Variants in PIAS2 observed in about 807,000 individuals in gnomAD.
PIAS2 encodes the protein E3 SUMO-protein ligase PIAS2.
A neutral mutation model predicts 69.7 loss-of-function variants in PIAS2; 19 were observed. The ratio of observed to expected loss-of-function variants is 0.27; its 90% confidence interval spans 0.19 to 0.40. The LOEUF (loss-of-function observed/expected upper bound fraction) is 0.40, where lower values mean the gene tolerates loss of function less well. Among genes scored for constraint, PIAS2 ranks in the 10% least tolerant of loss-of-function variants. The pLI is 1.00. For missense variants in PIAS2, 624 were observed against 757.0 expected (o/e 0.82, Z 2.06); for synonymous variants, 261 against 263.2 (o/e 0.99, Z 0.08).
intron 9 of PIAS2, among the ~76,000 whole-genome samples, chr18:46,830,654 CA>C (rs1345020079): frequency 6.6e-6 from 1 of 151,954 alleles, no homozygotes; most frequent in Non-Finnish European, 1.5e-5. Context: ...ACAGAAAAAT[CA>C]GTTTCTAGTC....
chr18:46,818,268 C>A, intron 12 of PIAS2: 1 of 1,294,538 alleles, frequency 7.7e-7, no homozygotes, highest in Non-Finnish European at 9.8e-7. Context: ...CTTTTGAGCA[C>A]CATTCGCACC....
intron 2 of PIAS2, among the ~76,000 whole-genome samples, chr18:46,889,833 T>G (rs1481155742): frequency 6.6e-6 from 1 of 152,168 alleles, no homozygotes; most frequent in East Asian, 1.9e-4. Context: ...AAGTGTCCAA[T>G]GGATAAGCAA....
At chr18:46,900,590 T>C (rs1457474126) in intron 1 of PIAS2, among the ~76,000 whole-genome samples, 4 of 151,884 alleles carry the variant, frequency 2.6e-5, no homozygotes, top group African/African-American at 7.3e-5. Context: ...GGCAGGAGGA[T>C]ACCCTGGGCC....
chr18:46,864,210 T>C lies in PIAS2; in HGVS notation c.538A>G (p.Ile180Val), dbSNP rs146174831. ...ACTTGTTGAGGTGTCAAAGCAAAAA[T>C]AAAAAACTTCTCTTGAAATCGCTGA... ...SIQRFQEKFF[I>V]FALTPQQVRE... Residue 180 changes from isoleucine to valine, a missense_variant, in exon 3 of 14, where the codon ATT becomes GTT. Ile to Val is a conservative substitution (Grantham distance 29). This residue lies in a region of PIAS2 where 339 missense variants were observed against 408.8 expected (regional missense o/e 0.83). Coordinates refer to ENST00000585916, the MANE Select transcript of PIAS2 (RefSeq NM_004671.5). The C allele has an allele frequency of 3.1e-6, 5 of 1,594,514 alleles. No individual in the cohort carries two copies. Among genetic ancestry groups the C allele is most frequent in the South Asian group, 2.3e-5 (2 of 87,462 alleles).
rs978483375 is a variant in PIAS2 at position 46,809,228 on chromosome 18, T to C, written c.*3205A>G. 3 of 152,224 alleles carry C rather than the reference T, an allele frequency of 2.0e-5. No individual in the cohort carries two copies. Among genetic ancestry groups the C allele is most frequent in the Non-Finnish European group, 4.4e-5 (3 of 68,046 alleles). The allele number at this position is 152,224 out of a possible 1,614,324, so 9.4% of individuals were successfully genotyped here. On this transcript the variant is annotated 3_prime_UTR_variant, in exon 14 of 14. Coordinates refer to ENST00000585916, the MANE Select transcript of PIAS2 (RefSeq NM_004671.5). ...GAAACACATTACCAGATAAATGCCA[T>C]ATAACCTAAATTCACCTCAATGCTT...
intron 3 of PIAS2, among the ~76,000 whole-genome samples, chr18:46,863,598 T>A (rs1371674750): frequency 6.6e-6 from 1 of 152,216 alleles, no homozygotes; most frequent in African/African-American, 2.4e-5. Flanking sequence ...AACCTGGGAA[T>A]AAATTTTTCA....
chr18:46,854,095 C>T (rs776651473), intron 5 of PIAS2, among the ~76,000 whole-genome samples: 8 of 152,158 alleles, frequency 5.3e-5, no homozygotes, highest in South Asian at 2.1e-4. Flanking sequence ...GCTGTGTATG[C>T]GACAAATGAG....
intron 2 of PIAS2, among the ~76,000 whole-genome samples, chr18:46,887,919 T>G (rs977066944): frequency 6.6e-6 from 1 of 152,002 alleles, no homozygotes; most frequent in African/African-American, 2.4e-5. Flanking sequence ...AAGAAAGAAG[T>G]AAAATTATTC....
intron 3 of PIAS2, among the ~76,000 whole-genome samples, chr18:46,863,484 A>C (rs1173430847): frequency 1.3e-5 from 2 of 151,976 alleles, no homozygotes; most frequent in South Asian, 2.1e-4. Context: ...TTTCTTGTAG[A>C]GACAGGGTTT....
At chr18:46,912,190 G>T (rs1363841768) in intron 1 of PIAS2, among the ~76,000 whole-genome samples, 2 of 152,194 alleles carry the variant, frequency 1.3e-5, no homozygotes, top group African/African-American at 4.8e-5. Context: ...AGGAAATATA[G>T]TTGTCTCTCA....
intron 9 of PIAS2, among the ~76,000 whole-genome samples, chr18:46,832,440 C>A (rs113399746): frequency 7.4e-4 from 111 of 149,692 alleles, no homozygotes; most frequent in Middle Eastern, 3.5e-3. Flanking sequence ...AACAAACAAA[C>A]AAAAAAAAGT....
intron 1 of PIAS2, among the ~76,000 whole-genome samples, chr18:46,902,505 A>G (rs1426645653): frequency 6.6e-6 from 1 of 152,136 alleles, no homozygotes. Context: ...GGTTGCAGCG[A>G]GCCGAGATCG....
chr18:46,854,380 C>A (rs1182556180), intron 5 of PIAS2, among the ~76,000 whole-genome samples: 3 of 152,180 alleles, frequency 2.0e-5, no homozygotes, highest in African/African-American at 7.2e-5. Flanking sequence ...GACAACTGGG[C>A]CTAGTCAGGG....
intron 3 of PIAS2, among the ~76,000 whole-genome samples, chr18:46,856,908 T>G (rs781308125): frequency 3.9e-5 from 6 of 152,194 alleles, no homozygotes; most frequent in Non-Finnish European, 5.9e-5. Context: ...GACAACCACC[T>G]TAAGTTCTAC....
rs1555740565 is a variant in PIAS2, at chr18:46,844,142, G to GGA, written c.968-16_968-15insTC. On this transcript the variant is annotated splice_polypyrimidine_tract_variant and intron_variant, in intron 7 of 13. Transcript: ENST00000585916. ...TTTTTCTTTAACTTTAAAAAGAAGAGAAAAAAAAAAATTTAAAAAAATTAA... is the reference window on the plus strand; with the variant it reads ...TTTTTCTTTAACTTTAAAAAGAAGAGGAAAAAAAAAAAATTTAAAAAAATTAA... 1.7e-5 allele frequency: 17 copies of GGA among 984,494 alleles called. No homozygotes were observed. The highest frequency in any genetic ancestry group is 2.4e-5 in the Non-Finnish European group (17 of 699,798). The allele number at this position is 984,494 out of a possible 1,614,324, so 61.0% of individuals were successfully genotyped here. A position where few individuals can be genotyped will look rare whatever the true frequency, so the allele number is the denominator to read the frequency against.
intron 1 of PIAS2, among the ~76,000 whole-genome samples, chr18:46,898,662 A>G (rs922477281): frequency 7.2e-5 from 11 of 152,168 alleles, no homozygotes; most frequent in African/African-American, 2.7e-4. Context: ...ATAAATTTTA[A>G]AATTTTGCAA....
chr18:46,842,942 A>G (rs1272470403), intron 8 of PIAS2, among the ~76,000 whole-genome samples: 1 of 152,256 alleles, frequency 6.6e-6, no homozygotes, highest in Non-Finnish European at 1.5e-5. Flanking sequence ...AATGAAGATT[A>G]AAAGAGTGAC....
intron 1 of PIAS2, among the ~76,000 whole-genome samples, chr18:46,904,402 A>T (rs1357940549): frequency 6.6e-6 from 1 of 152,156 alleles, no homozygotes; most frequent in East Asian, 1.9e-4. Context: ...AGGACACAAA[A>T]ATGTAACGGT....
chr18:46,855,103 TAAAAAAAAAAAAAAAAA>T (rs59957336), intron 5 of PIAS2, among the ~76,000 whole-genome samples: 1 of 76,348 alleles, frequency 1.3e-5, no homozygotes, highest in South Asian at 5.7e-4. Flanking sequence ...CTTGTCTCTT[TAAAAAAAAAAAAAAAAA>T]AAAAAAAAAA....
Sources: allele counts gnomAD v4.1 joint callset (sites outside exome capture counted in the v4.1 genomes callset), GRCh38; gene constraint gnomAD v4.1.1; regional missense constraint gnomAD v4.1.1; transcripts MANE v1.5; gene names NCBI Gene and HGNC (gene_info 2026-07-23, HGNC 2026-07-21).